The following TESK2 variants were observed in gnomAD, a reference collection of about 807,000 sequenced individuals.
TESK2 encodes testis associated actin remodelling kinase 2.
A neutral mutation model predicts 57.1 loss-of-function variants in TESK2; 39 were observed. The ratio of observed to expected loss-of-function variants is 0.68; its 90% CI spans 0.53 to 0.89. TESK2 has a LOEUF of 0.89. Among genes scored for constraint, TESK2 ranks in the 40% least tolerant of loss-of-function variants. TESK2 has a pLI of 0.00. For synonymous variants in TESK2, 249 were observed against 267.9 expected (o/e 0.93, Z 0.69); for missense variants, 646 against 732.1 (o/e 0.88, Z 1.36).
intron 4 of TESK2, among the ~76,000 whole-genome samples, chr1:45,356,387 A>T (rs976418862): frequency 2.2e-4 from 33 of 152,176 alleles, no homozygotes; most frequent in Non-Finnish European, 4.6e-4. Flanking sequence ...TAATCCTAGA[A>T]CTTTGAGAGG....
chr1:45,354,200 G>A (rs4660849), intron 5 of TESK2, among the ~76,000 whole-genome samples: 41,378 of 152,122 alleles, frequency 0.27, 5,923 homozygotes, highest in Admixed American at 0.4. Flanking sequence ...AGGCTCTCAA[G>A]ATGTATGAGT....
At chr1:45,420,742 G>A (rs1350875033) in intron 3 of TESK2, among the ~76,000 whole-genome samples, 4 of 150,582 alleles carry the variant, frequency 2.7e-5, no homozygotes, top group South Asian at 2.1e-4. Flanking sequence ...GTGCCACCAC[G>A]CCCGGCTAAC....
chr1:45,389,267 G>T (rs1192432998), intron 3 of TESK2, among the ~76,000 whole-genome samples: 1 of 152,164 alleles, frequency 6.6e-6, no homozygotes, highest in African/African-American at 2.4e-5. Context: ...ACATATGTTA[G>T]CTGGGTGTGG....
At chr1:45,485,898 A>T (rs992024335) in intron 1 of TESK2, among the ~76,000 whole-genome samples, 4 of 46,694 alleles carry the variant, frequency 8.6e-5, no homozygotes, top group African/African-American at 2.6e-4. Flanking sequence ...AATGTATCTT[A>T]AAAAAAAAAA....
intron 3 of TESK2, among the ~76,000 whole-genome samples, chr1:45,405,154 A>G (rs1175114918): frequency 1.3e-5 from 2 of 152,122 alleles, no homozygotes; most frequent in African/African-American, 4.8e-5. Context: ...GAGGTTATAG[A>G]TATTTCACAA....
intron 3 of TESK2, among the ~76,000 whole-genome samples, chr1:45,416,665 C>G (rs539368114): frequency 1.3e-5 from 2 of 152,266 alleles, no homozygotes; most frequent in South Asian, 4.1e-4. Context: ...TACTGCACAA[C>G]AGATTTCAGA....
At chr1:45,461,256 A>G (rs182122438) in intron 1 of TESK2, among the ~76,000 whole-genome samples, 1 of 152,082 alleles carries the variant, frequency 6.6e-6, no homozygotes, top group East Asian at 1.9e-4. Context: ...TAATCCCAGC[A>G]CTTTGAGAAT....
chr1:45,427,009 C>T (rs903838538), intron 2 of TESK2, among the ~76,000 whole-genome samples: 4 of 152,066 alleles, frequency 2.6e-5, no homozygotes, highest in Non-Finnish European at 2.9e-5. Flanking sequence ...TTTGAGAGGC[C>T]GAGGTGGAGG....
intron 2 of TESK2, among the ~76,000 whole-genome samples, chr1:45,443,209 A>T (rs1026532854): frequency 2.0e-5 from 3 of 152,150 alleles, no homozygotes; most frequent in Non-Finnish European, 4.4e-5. Context: ...CGGCCAACTA[A>T]GGTCTATTTT....
intron 1 of TESK2, among the ~76,000 whole-genome samples, chr1:45,474,576 G>A (rs137947985): frequency 1.1e-4 from 16 of 151,936 alleles, no homozygotes; most frequent in Admixed American, 3.3e-4. Flanking sequence ...GGGTTCGAGC[G>A]ATTCTCCTGC....
chr1:45,407,611 G>A (rs375852436), intron 3 of TESK2, among the ~76,000 whole-genome samples: 1 of 152,078 alleles, frequency 6.6e-6, no homozygotes, highest in African/African-American at 2.4e-5. Flanking sequence ...TGCTGTTTTC[G>A]TGATAGTGAG....
chr1:45,411,961 G>A (rs1343162490), intron 3 of TESK2, among the ~76,000 whole-genome samples: 1 of 152,158 alleles, frequency 6.6e-6, no homozygotes, highest in African/African-American at 2.4e-5. Context: ...CTGCCTCAGT[G>A]TGATTTCTAA....
In TESK2 at chr1:45,491,090, G is replaced by A. The variant is rs1026230980; in HGVS notation, c.-325C>T. ...GCCGCTCCCCCCGCCTGTTTGGCGG[G>A]GCCAGGAGGACGATCCGACCAGCGA... On this transcript the variant is annotated 5_prime_UTR_variant, in exon 1 of 11. Transcript: ENST00000372086. 2 of 152,250 alleles carry A rather than the reference G, an allele frequency of 1.3e-5. No individual in the cohort carries two copies. Among genetic ancestry groups the A allele is most frequent in the South Asian group, 2.1e-4 (1 of 4,832 alleles). The allele number at this position is 152,250 out of a possible 1,614,324, so 9.4% of individuals were successfully genotyped here. A position where few individuals can be genotyped will look rare whatever the true frequency, so the allele number is the denominator to read the frequency against.
intron 3 of TESK2, among the ~76,000 whole-genome samples, chr1:45,408,914 G>T (rs1296267916): frequency 6.6e-6 from 1 of 152,090 alleles, no homozygotes; most frequent in East Asian, 1.9e-4. Context: ...TGTCTTATTG[G>T]GGTGGGTGAT....
intron 1 of TESK2, among the ~76,000 whole-genome samples, chr1:45,470,475 TA>T (rs1652716100): frequency 6.6e-6 from 1 of 152,224 alleles, no homozygotes; most frequent in African/African-American, 2.4e-5. Flanking sequence ...CAATCTAGCA[TA>T]AAAACTGGCA....
intron 5 of TESK2, among the ~76,000 whole-genome samples, chr1:45,350,127 G>C (rs1177717709): frequency 6.6e-6 from 1 of 152,122 alleles, no homozygotes; most frequent in Non-Finnish European, 1.5e-5. Flanking sequence ...GGGTGACAGT[G>C]AGACTCTGTC....
rs185203150 is a variant in TESK2, at chr1:45,485,541, C to T, written c.-87+5311G>A. ...TTATTTTATTTTTTTTTTTTTGAGA[C>T]GGAGTCTCACTCTGTCGCCTAAACT... On this transcript the variant is annotated intron_variant, in intron 1 of 10. Coordinates refer to ENST00000372086, the MANE Select transcript of TESK2 (RefSeq NM_007170.3). Among the ~76,000 whole-genome samples the T allele has an allele frequency of 2.4e-3, 314 of 131,824 alleles. 1 individual carries two copies. The highest frequency in any genetic ancestry group is 4.0e-3 in the Non-Finnish European group (251 of 63,008). 86.5% of individuals were successfully genotyped at this position (131,824 alleles called of 152,430 possible). A position where few individuals can be genotyped will look rare whatever the true frequency, so the allele number is the denominator to read the frequency against.
chr1:45,413,417 C>G (rs6690821), intron 3 of TESK2, among the ~76,000 whole-genome samples: 2 of 151,800 alleles, frequency 1.3e-5, no homozygotes, highest in Admixed American at 1.3e-4. Context: ...AGGTTCAGCT[C>G]ACTCACTCCT....
At chr1:45,381,642 C>G (rs912915019) in intron 4 of TESK2, among the ~76,000 whole-genome samples, 1 of 152,090 alleles carries the variant, frequency 6.6e-6, no homozygotes, top group African/African-American at 2.4e-5. Context: ...CAAATCTAGC[C>G]CCACTCAGTT....
Sources: gnomAD v4.1 joint callset for allele counts (sites outside exome capture counted in the v4.1 genomes callset) on GRCh38, gnomAD v4.1.1 for gene constraint, MANE v1.5 for transcripts, NCBI Gene and HGNC (gene_info 2026-07-23, HGNC 2026-07-21) for gene names.